The following KLHDC2 variants were observed in gnomAD, a reference collection of about 807,000 sequenced individuals.
KLHDC2 encodes the protein kelch domain containing 2.
In KLHDC2, 38 loss-of-function variants were observed where a neutral mutation model predicts 62.3. The observed-to-expected ratio is 0.61, with a 90% CI of 0.47 to 0.80. KLHDC2 has a LOEUF of 0.80. Among genes scored for constraint, KLHDC2 ranks in the 30% least tolerant of loss-of-function variants. The probability of loss-of-function intolerance (pLI) is 0.00; values close to 1 mark genes in which losing one functional copy is unlikely to be tolerated. For missense variants in KLHDC2, 430 were observed against 495.3 expected, an observed-to-expected ratio of 0.87 and a Z score of 1.25; for synonymous variants, 159 against 161.0, an observed-to-expected ratio of 0.99 and a Z score of 0.09.
Position 49,784,027 on chromosome 14 carries a change from A to G in KLHDC2, c.*1074A>G, listed in dbSNP as rs886143999. The G allele has an allele frequency of 2.6e-5, 4 of 152,014 alleles. No individual in the cohort carries two copies. The highest frequency in any genetic ancestry group is 5.9e-5 in the Non-Finnish European group (4 of 67,964). The allele number at this position is 152,014 out of a possible 1,614,324, so 9.4% of individuals were successfully genotyped here. A position where few individuals can be genotyped will look rare whatever the true frequency, so the allele number is the denominator to read the frequency against. On this transcript the variant is annotated 3_prime_UTR_variant, in exon 13 of 13. Transcript: ENST00000298307. ...ATAGTTTAAGCAATCAAGCCACTTC[A>G]CTGTTCAGTTTCTTTACATCATGAA...
rs752555957 is a variant in KLHDC2 at position 49,780,683 on chromosome 14, C to T, written c.884-20C>T. ...GTCATATTGACAGACTAACATACTTCATTTCTTTGCTTGAATCAGGTGATG... is the reference window on the plus strand; with the variant it reads ...GTCATATTGACAGACTAACATACTTTATTTCTTTGCTTGAATCAGGTGATG... On this transcript the variant is annotated intron_variant, in intron 9 of 12. Coordinates refer to ENST00000298307, the MANE Select transcript of KLHDC2 (RefSeq NM_014315.3). 3.1e-5 allele frequency: 48 copies of T among 1,527,716 alleles called. No homozygotes were observed. Among genetic ancestry groups the T allele is most frequent in the Non-Finnish European group, 4.1e-5 (45 of 1,101,334 alleles). The allele number at this position is 1,527,716 out of a possible 1,614,324, so 94.6% of individuals were successfully genotyped here.
At chr14:49,777,471 T>C in intron 3 of KLHDC2, among the ~76,000 whole-genome samples, 1 of 152,266 alleles carries the variant, frequency 6.6e-6, no homozygotes, top group East Asian at 1.9e-4. Flanking sequence ...GGTACATGGC[T>C]GTAGTCCATC....
At chr14:49,777,677 A>C in intron 3 of KLHDC2, 162 bp from the exon 4 acceptor site, 1 of 476,388 alleles carries the variant, frequency 2.1e-6, no homozygotes, top group Non-Finnish European at 3.7e-6. Context: ...CAGTCACAGA[A>C]TCCTCATCTG....
chr14:49,782,111 A>C, intron 10 of KLHDC2: 1 of 410,282 alleles, frequency 2.4e-6, no homozygotes, highest in Non-Finnish European at 4.3e-6. Context: ...GCTAACAAAG[A>C]CCTAGAGAAC....
chr14:49,769,984 G>A (rs921576283), intron 1 of KLHDC2, among the ~76,000 whole-genome samples: 1 of 150,080 alleles, frequency 6.7e-6, no homozygotes, highest in East Asian at 2.0e-4. Flanking sequence ...GAAGGGGGGC[G>A]GGGGGGCAAG....
rs563677068 is a variant in KLHDC2 at position 49,785,730 on chromosome 14, A to C, written c.*2777A>C. 5.5e-6 allele frequency: 1 copy of C among 182,550 alleles called. No homozygotes were observed. Among genetic ancestry groups the C allele is most frequent in the African/African-American group, 2.4e-5 (1 of 42,026 alleles). The allele number at this position is 182,550 out of a possible 1,614,324, so 11.3% of individuals were successfully genotyped here. A position where few individuals can be genotyped will look rare whatever the true frequency, so the allele number is the denominator to read the frequency against. Reference sequence around the variant, plus strand: ...TGGAGAAACACCATCTCTACAAAAAATATAAAAGTTAGCTGGGTATAGTGG... The same window carrying C: ...TGGAGAAACACCATCTCTACAAAAACTATAAAAGTTAGCTGGGTATAGTGG... On this transcript the variant is annotated 3_prime_UTR_variant, in exon 13 of 13. Transcript: ENST00000298307.
At chr14:49,779,003 A>G (rs529577278) in intron 6 of KLHDC2, among the ~76,000 whole-genome samples, 55 of 152,298 alleles carry the variant, frequency 3.6e-4, no homozygotes, top group African/African-American at 1.3e-3. Flanking sequence ...GATTACAGGC[A>G]TGAGCCACCG....
At chr14:49,776,608 C>G (rs1889778315) in intron 3 of KLHDC2, among the ~76,000 whole-genome samples, 1 of 151,756 alleles carries the variant, frequency 6.6e-6, no homozygotes, top group African/African-American at 2.4e-5. Flanking sequence ...TGGGTAATAC[C>G]ATTCTGATAC....
chr14:49,780,610 C>G (rs1290553691), intron 9 of KLHDC2, 93 bp from the exon 10 acceptor site: 1 of 887,878 alleles, frequency 1.1e-6, no homozygotes, highest in Non-Finnish European at 1.9e-6. Context: ...TGTATCTGCT[C>G]ATGATCTATT....
At position 49,784,720 on chromosome 14, in the gene KLHDC2, A is replaced by G; in HGVS notation, c.*1767A>G. The G allele has an allele frequency of 6.2e-7, 1 of 1,610,420 alleles. No individual in the cohort carries two copies. Among genetic ancestry groups the G allele is most frequent in the African/African-American group, 1.3e-5 (1 of 74,966 alleles). ...TTCTTGATAAATCTGTGTCCTAAAAAAAGAAAATTGCTGAATATCTTCACA... is the reference window on the plus strand; with the variant it reads ...TTCTTGATAAATCTGTGTCCTAAAAGAAGAAAATTGCTGAATATCTTCACA... On this transcript the variant is annotated 3_prime_UTR_variant, in exon 13 of 13. Coordinates refer to ENST00000298307, the MANE Select transcript of KLHDC2 (RefSeq NM_014315.3).
chr14:49,780,266 T>C lies in KLHDC2; in HGVS notation c.827T>C (p.Val276Ala). ...VGRSWHSLTP[V>A]SSDHLFLFGG... Reference sequence around the variant, plus strand: ...CGATCTTGGCACTCACTAACACCAGTTTCTTCAGATCATCTTTTTCTCTTT... The same window carrying C: ...CGATCTTGGCACTCACTAACACCAGCTTCTTCAGATCATCTTTTTCTCTTT... The change falls in exon 9 of 13, where the codon GTT becomes GCT. Residue 276 changes from valine to alanine, a missense_variant. By Grantham distance (64) the Val-to-Ala change is moderately conservative (BLOSUM62 0). Transcript: ENST00000298307. The C allele has an allele frequency of 6.2e-7, 1 of 1,613,932 alleles. No individual in the cohort carries two copies.
Position 49,779,801 on chromosome 14 carries a change from T to G in KLHDC2, c.768T>G (p.Asn256Lys), listed in dbSNP as rs1189448211. 3.7e-6 allele frequency: 6 copies of G among 1,605,660 alleles called. No homozygotes were observed. The highest frequency in any genetic ancestry group is 3.3e-5 in the South Asian group (3 of 90,846). ...HYLNLDTWEW[N>K]ELIPQGICPV... ...TTAATCTGGATACATGGGAGTGGAATGAATTGTAGGTATCACTTTAGATAC... is the reference window on the plus strand; with the variant it reads ...TTAATCTGGATACATGGGAGTGGAAGGAATTGTAGGTATCACTTTAGATAC... Residue 256 changes from asparagine (N) to lysine (K), a missense_variant, in exon 8 of 13, where the codon AAT (asparagine) becomes AAG (lysine). Coordinates refer to ENST00000298307, the MANE Select transcript of KLHDC2 (RefSeq NM_014315.3).
At chr14:49,774,839 A>G (rs1350571185) in intron 3 of KLHDC2, 161 bp downstream of exon 3, 3 of 675,610 alleles carry the variant, frequency 4.4e-6, no homozygotes, top group Non-Finnish European at 8.0e-6. Context: ...TTTGTGTGCC[A>G]ATCTGTATTT....
chr14:49,782,897 C>CACTT lies in KLHDC2; in HGVS notation c.1170_1173dup (p.His392ThrfsTer5), dbSNP rs751312335. 4 of 1,613,754 alleles carry CACTT rather than the reference C, an allele frequency of 2.5e-6. No individual in the cohort carries two copies. On this transcript the variant is annotated frameshift_variant, in exon 13 of 13. Coordinates refer to ENST00000298307, the MANE Select transcript of KLHDC2 (RefSeq NM_014315.3). LOFTEE classifies it high-confidence loss of function. ...CAACTCATGGAACTGCCTTCCAAAA[C>CACTT]ACTTACTTCACAGTGTTAATCAGAG...
chr14:49,768,832 C>A (rs983502827), intron 1 of KLHDC2: 5 of 519,780 alleles, frequency 9.6e-6, no homozygotes, highest in Non-Finnish European at 1.7e-5. Flanking sequence ...ACCTCCAGGG[C>A]TGCTGTCATG....
Position 49,784,815 on chromosome 14 carries a change from G to GT in KLHDC2, c.*1866dup. On this transcript the variant is annotated 3_prime_UTR_variant, in exon 13 of 13. Coordinates refer to ENST00000298307, the MANE Select transcript of KLHDC2 (RefSeq NM_014315.3). ...CATTTCCAAACTTTTAGCTGAGATGGTTTTACTGCTTCTAATAAGACAGCA... is the reference window on the plus strand; with the variant it reads ...CATTTCCAAACTTTTAGCTGAGATGGTTTTTACTGCTTCTAATAAGACAGCA... The GT allele has an allele frequency of 3.6e-6, 5 of 1,396,454 alleles. No homozygotes were observed. The highest frequency in any genetic ancestry group is 5.0e-6 in the Non-Finnish European group (5 of 992,926). 86.5% of individuals were successfully genotyped at this position (1,396,454 alleles called of 1,614,324 possible).
In KLHDC2 at chr14:49,785,074, A is replaced by G. The variant is rs776380077; in HGVS notation, c.*2121A>G. ...TGAACTGTTTAAAATCATAATTCAA[A>G]AAAACAAATTTAAATACCTTTTCCC... On this transcript the variant is annotated 3_prime_UTR_variant, in exon 13 of 13. Transcript: ENST00000298307. 1.2e-6 allele frequency: 2 copies of G among 1,608,398 alleles called. No individual in the cohort carries two copies. Among genetic ancestry groups the G allele is most frequent in the South Asian group, 2.2e-5 (2 of 90,958 alleles).
chr14:49,778,219 A>C lies in KLHDC2; in HGVS notation c.509A>C (p.Lys170Thr). ...GGGTATGGATATTTGCCTGAAGATA[A>C]AGTATTGGGAACTTTTGAATTCGAT... ...FGGYGYLPED[K>T]VLGTFEFDET... The change falls in exon 5 of 13, where the codon AAA becomes ACA. Residue 170 changes from lysine to threonine, a missense_variant. Transcript: ENST00000298307. 6.2e-7 allele frequency: 1 copy of C among 1,609,926 alleles called. No homozygotes were observed. Among genetic ancestry groups the C allele is most frequent in the Non-Finnish European group, 8.5e-7 (1 of 1,178,154 alleles).
intron 3 of KLHDC2, among the ~76,000 whole-genome samples, chr14:49,775,064 A>C (rs1017694518): frequency 6.6e-6 from 1 of 152,206 alleles, no homozygotes; most frequent in Non-Finnish European, 1.5e-5. Flanking sequence ...TGTAAGGATA[A>C]ATTAAAACTG....
Sources: gnomAD v4.1 joint callset for allele counts (sites outside exome capture counted in the v4.1 genomes callset) on GRCh38, gnomAD v4.1.1 for gene constraint, MANE v1.5 for transcripts, NCBI Gene and HGNC (gene_info 2026-07-23, HGNC 2026-07-21) for gene names.